Variants in IREB2 observed in about 807,000 individuals in gnomAD.
IREB2 encodes the protein iron responsive element binding protein 2.
IREB2 carries 39 observed loss-of-function variants against 118.8 expected under a neutral mutation model. That is an observed-to-expected ratio of 0.33 (90% CI 0.25 to 0.43). The LOEUF (loss-of-function observed/expected upper bound fraction) is 0.43, where lower values mean the gene tolerates loss of function less well. Among genes scored for constraint, IREB2 ranks in the 20% least tolerant of loss-of-function variants. The pLI is 1.00. For missense variants in IREB2, 900 were observed against 1,147.3 expected (o/e 0.78, Z 3.11); for synonymous variants, 372 against 392.2 (o/e 0.95, Z 0.61).
chr15:78,459,619 C>T (rs11637656), intron 2 of IREB2, among the ~76,000 whole-genome samples: 77,010 of 152,038 alleles, frequency 0.51, 20,892 homozygotes, highest in Non-Finnish European at 0.62. Context: ...CAAAATTTTG[C>T]GATTACAGGC....
intron 20 of IREB2, among the ~76,000 whole-genome samples, chr15:78,495,788 A>C (rs2141532108): frequency 6.6e-6 from 1 of 152,374 alleles, no homozygotes; most frequent in East Asian, 1.9e-4. Context: ...AGTACAGATA[A>C]GAGTACATTA....
chr15:78,465,961 T>C (rs1196016586), intron 4 of IREB2, among the ~76,000 whole-genome samples: 5 of 152,218 alleles, frequency 3.3e-5, no homozygotes, highest in Non-Finnish European at 7.3e-5. Context: ...TAAATTTCTT[T>C]TAAGTTGTTA....
At chr15:78,468,999 C>T (rs897447427) in intron 5 of IREB2, among the ~76,000 whole-genome samples, 1 of 152,138 alleles carries the variant, frequency 6.6e-6, no homozygotes, top group East Asian at 1.9e-4. Flanking sequence ...ACTGGCACAT[C>T]GTAAGTGCTT....
intron 2 of IREB2, among the ~76,000 whole-genome samples, chr15:78,448,747 C>T (rs1028701803): frequency 2.0e-5 from 3 of 152,190 alleles, no homozygotes; most frequent in African/African-American, 7.2e-5. Context: ...CTGGTTTCTG[C>T]TCTGGTGTCC....
intron 2 of IREB2, among the ~76,000 whole-genome samples, chr15:78,446,752 C>T (rs1244152030): frequency 6.6e-6 from 1 of 151,978 alleles, no homozygotes; most frequent in Non-Finnish European, 1.5e-5. Context: ...TGGTCATCAG[C>T]CTACCAGGGG....
At chr15:78,438,118 T>G, upstream of IREB2, 10 of 546,026 alleles carry the variant, frequency 1.8e-5, no homozygotes, top group East Asian at 6.2e-5. Context: ...CCCCTTCCCT[T>G]TCTTTGTTTT....
intron 2 of IREB2, among the ~76,000 whole-genome samples, chr15:78,447,412 C>A: frequency 6.6e-6 from 1 of 151,308 alleles, no homozygotes; most frequent in South Asian, 2.1e-4. Context: ...CTCACTGCAA[C>A]CTCCGCCTAC....
chr15:78,451,721 C>T lies in IREB2; in HGVS notation c.107-11201C>T, dbSNP rs2051028465. Among the ~76,000 whole-genome samples, 4 of 152,034 alleles carry T rather than the reference C, an allele frequency of 2.6e-5. No individual in the cohort carries two copies. In the South Asian group the frequency reaches 8.3e-4, roughly 31 times the overall value. On this transcript the variant is annotated intron_variant, in intron 2 of 21. Transcript: ENST00000258886. ...TTTCTTTTTTTAAGATGGAGTTTCA[C>T]TCTAGTCTCCCAGGCTGGAGTGCAA...
In IREB2 at chr15:78,466,502, T is replaced by G; in HGVS notation, c.629+13T>G. The G allele has an allele frequency of 6.4e-7, 1 of 1,568,874 alleles. No individual in the cohort carries two copies. Among genetic ancestry groups the G allele is most frequent in the Non-Finnish European group, 8.8e-7 (1 of 1,139,778 alleles). ...AACCAGTGCCTGAGTATGAGATTGT[T>G]TTTCTTAAAGTTTATTAATACCAGG... On this transcript the variant is annotated intron_variant, in intron 5 of 21. Transcript: ENST00000258886.
intron 8 of IREB2, 120 bp downstream of exon 8, chr15:78,473,501 C>T: frequency 1.4e-6 from 1 of 696,766 alleles, no homozygotes; most frequent in Non-Finnish European, 2.5e-6. Context: ...TTGACGTTAG[C>T]CACATCATCA....
chr15:78,452,344 G>A (rs1185565495), intron 2 of IREB2, among the ~76,000 whole-genome samples: 2 of 152,128 alleles, frequency 1.3e-5, no homozygotes, highest in Non-Finnish European at 2.9e-5. Flanking sequence ...GAACATACCA[G>A]TATTAAAGTA....
chr15:78,463,300 A>G (rs2051227681), intron 3 of IREB2, among the ~76,000 whole-genome samples: 1 of 152,014 alleles, frequency 6.6e-6, no homozygotes, highest in African/African-American at 2.4e-5. Flanking sequence ...AATTAGCCGA[A>G]TGTAATGGTG....
At position 78,500,512 on chromosome 15, in the gene IREB2, C is replaced by T. The variant is rs1322105890; in HGVS notation, c.*2369C>T. On this transcript the variant is annotated 3_prime_UTR_variant, in exon 22 of 22. Coordinates refer to ENST00000258886, the MANE Select transcript of IREB2 (RefSeq NM_004136.4). ...TTATTGTCTGTGTCTTCTTTGTTTACTATACCTTGGGTAATTTTGTGTTAC... is the reference window on the plus strand; with the variant it reads ...TTATTGTCTGTGTCTTCTTTGTTTATTATACCTTGGGTAATTTTGTGTTAC... 5 of 136,456 alleles carry T rather than the reference C, an allele frequency of 3.7e-5. No homozygotes were observed. The highest frequency in any genetic ancestry group is 5.6e-5 in the African/African-American group (2 of 35,662). The allele number at this position is 136,456 out of a possible 1,614,324, so 8.5% of individuals were successfully genotyped here. A position where few individuals can be genotyped will look rare whatever the true frequency, so the allele number is the denominator to read the frequency against.
intron 2 of IREB2, among the ~76,000 whole-genome samples, chr15:78,455,159 GA>G (rs1303447480): frequency 6.6e-6 from 1 of 152,146 alleles, no homozygotes; most frequent in African/African-American, 2.4e-5. Context: ...GTGAGAGATT[GA>G]ACCACATTGA....
At position 78,498,303 on chromosome 15, in the gene IREB2, A is replaced by G. The variant is rs2051875574; in HGVS notation, c.*160A>G. 2 of 487,302 alleles carry G rather than the reference A, an allele frequency of 4.1e-6. No individual in the cohort carries two copies. The highest frequency in any genetic ancestry group is 3.4e-5 in the South Asian group (1 of 29,452). 30.2% of individuals were successfully genotyped at this position (487,302 alleles called of 1,614,324 possible). On this transcript the variant is annotated 3_prime_UTR_variant, in exon 22 of 22. Transcript: ENST00000258886. Reference sequence around the variant, plus strand: ...GAATCAACATAGTAACTGAAATGAAATCTTCTTGATTTTAAATAATATACG... The same window carrying G: ...GAATCAACATAGTAACTGAAATGAAGTCTTCTTGATTTTAAATAATATACG...
At chr15:78,439,606 A>G (rs568451842) in intron 1 of IREB2, among the ~76,000 whole-genome samples, 189 bp from the exon 2 acceptor site, 1 of 152,348 alleles carries the variant, frequency 6.6e-6, no homozygotes, top group East Asian at 1.9e-4. Context: ...TCAGTTCCTC[A>G]GGCACGATAG....
intron 2 of IREB2, among the ~76,000 whole-genome samples, chr15:78,449,638 C>G (rs985544612): frequency 6.6e-6 from 1 of 152,164 alleles, no homozygotes; most frequent in South Asian, 2.1e-4. Context: ...TGTCTGCAAG[C>G]CAGCAGACAT....
At chr15:78,451,845 G>A (rs1007795325) in intron 2 of IREB2, among the ~76,000 whole-genome samples, 19 of 152,010 alleles carry the variant, frequency 1.2e-4, no homozygotes, top group African/African-American at 3.9e-4. Flanking sequence ...GAGCCACTGC[G>A]TCCAACAGGG....
At chr15:78,472,149 TTG>T (rs1427688646) in intron 7 of IREB2, among the ~76,000 whole-genome samples, 1 of 152,180 alleles carries the variant, frequency 6.6e-6, no homozygotes, top group African/African-American at 2.4e-5. Flanking sequence ...GCACTACTAT[TTG>T]TGAAGTAATT....
Sources: gnomAD v4.1 joint callset for allele counts (sites outside exome capture counted in the v4.1 genomes callset) on GRCh38, gnomAD v4.1.1 for gene constraint, MANE v1.5 for transcripts, NCBI Gene and HGNC (gene_info 2026-07-23, HGNC 2026-07-21) for gene names.